The following CHRM3 variants were observed in gnomAD, a reference collection of about 807,000 sequenced individuals.
The protein encoded by CHRM3 is cholinergic receptor muscarinic 3, also known as muscarinic acetylcholine receptor M3.
CHRM3 carries 11 observed loss-of-function variants against 41.8 expected under a neutral mutation model. The ratio of observed to expected loss-of-function variants is 0.26; its 90% CI spans 0.17 to 0.44. CHRM3 has a LOEUF of 0.44. Ranked by LOEUF, CHRM3 falls within the 20% of genes least tolerant of loss-of-function variation. CHRM3 has a pLI of 1.00. For synonymous variants in CHRM3, 297 were observed against 301.4 expected (o/e 0.99, Z 0.15); for missense variants, 571 against 745.4 (o/e 0.77, Z 2.72).
At chr1:239,616,217 A>ATATATTT (rs1667616137) in intron 3 of CHRM3, among the ~76,000 whole-genome samples, 1 of 152,226 alleles carries the variant, frequency 6.6e-6, no homozygotes, top group Admixed American at 6.5e-5. Context: ...CGTGTGGTTA[A>ATATATTT]ACCTAAATTT....
At chr1:239,454,352 C>G (rs1664770598) in intron 1 of CHRM3, among the ~76,000 whole-genome samples, 1 of 152,250 alleles carries the variant, frequency 6.6e-6, no homozygotes, top group East Asian at 1.9e-4. Flanking sequence ...AACAGATGAA[C>G]AGCCAGATGA....
chr1:239,430,030 C>A, intron 1 of CHRM3, among the ~76,000 whole-genome samples: 1 of 146,766 alleles, frequency 6.8e-6, no homozygotes, highest in African/African-American at 2.5e-5. Flanking sequence ...TGCAGTGGCA[C>A]AATCTCAGCT....
At chr1:239,788,938 T>G (rs1367262573) in intron 5 of CHRM3, among the ~76,000 whole-genome samples, 1 of 152,230 alleles carries the variant, frequency 6.6e-6, no homozygotes, top group East Asian at 1.9e-4. Context: ...TTCTAACTAT[T>G]ATATAACTTA....
rs1678575275 is a variant in CHRM3, at chr1:239,891,802, T to C, written c.-19-15631T>C. On this transcript the variant is annotated intron_variant, in intron 6 of 6. Coordinates refer to ENST00000676153, the MANE Select transcript of CHRM3 (RefSeq NM_001375978.1). ...CAGAGCCACTCCATGGCAGATGGTCTCTTATCAGGCAAAGAAGGAGGGGTA... is the reference window on the plus strand; with the variant it reads ...CAGAGCCACTCCATGGCAGATGGTCCCTTATCAGGCAAAGAAGGAGGGGTA... 3.3e-5 allele frequency among the ~76,000 whole-genome samples: 5 copies of C among 152,254 alleles called. No homozygotes were observed. The South Asian group carries it at 1.0e-3, about 32-fold the overall frequency.
chr1:239,649,238 A>G (rs10925941), intron 4 of CHRM3, among the ~76,000 whole-genome samples: 93,427 of 151,748 alleles, frequency 0.62, 29,159 homozygotes, highest in East Asian at 0.83. Flanking sequence ...AAGAGAGCTT[A>G]TTTGCCCGTT....
intron 5 of CHRM3, among the ~76,000 whole-genome samples, chr1:239,729,843 C>T (rs1327804870): frequency 6.6e-6 from 1 of 151,876 alleles, no homozygotes; most frequent in Non-Finnish European, 1.5e-5. Context: ...TAGATTCCAC[C>T]TTGCATCACA....
intron 5 of CHRM3, among the ~76,000 whole-genome samples, chr1:239,762,385 A>G (rs990966693): frequency 6.6e-6 from 1 of 152,282 alleles, no homozygotes; most frequent in East Asian, 1.9e-4. Flanking sequence ...TTCTTGAGAG[A>G]AGATTTTATG....
intron 4 of CHRM3, among the ~76,000 whole-genome samples, chr1:239,662,972 T>TTTCTC (rs1673413332): frequency 1.9e-5 from 2 of 105,930 alleles, no homozygotes; most frequent in Non-Finnish European, 4.1e-5. Flanking sequence ...TTCCTTCTCC[T>TTTCTC]CTCTTCCTTC....
At chr1:239,439,405 AT>A (rs1258080658) in intron 1 of CHRM3, among the ~76,000 whole-genome samples, 1 of 152,170 alleles carries the variant, frequency 6.6e-6, no homozygotes, top group Non-Finnish European at 1.5e-5. Context: ...TAATATTGGA[AT>A]TCGTGATATT....
chr1:239,421,550 CTA>C lies in CHRM3; in HGVS notation c.-521+34327_-521+34328del, dbSNP rs573533623. 4.3e-3 allele frequency among the ~76,000 whole-genome samples: 659 copies of C among 152,228 alleles called. 2 individuals carry two copies. Among genetic ancestry groups the C allele is most frequent in the Non-Finnish European group, 5.1e-3 (350 of 67,992 alleles). ...CTGCACCTGATGTTTGTTTTTAAAA[CTA>C]TATTTATGTGCTGATTTATATATGT... On this transcript the variant is annotated intron_variant, in intron 1 of 6. Coordinates refer to ENST00000676153, the MANE Select transcript of CHRM3 (RefSeq NM_001375978.1).
intron 1 of CHRM3, among the ~76,000 whole-genome samples, chr1:239,419,785 G>A (rs553502662): frequency 1.8e-4 from 28 of 152,252 alleles, no homozygotes; most frequent in African/African-American, 6.7e-4. Context: ...CCTTTTCCCT[G>A]TACATTTCAC....
intron 5 of CHRM3, among the ~76,000 whole-genome samples, chr1:239,716,694 AAAAAG>A (rs1486050914): frequency 6.6e-6 from 1 of 152,098 alleles, no homozygotes; most frequent in Non-Finnish European, 1.5e-5. Context: ...ATAGAATTAA[AAAAAG>A]AAGAGGAAGA....
chr1:239,766,296 TG>T (rs1270739298), intron 5 of CHRM3, among the ~76,000 whole-genome samples: 1 of 152,150 alleles, frequency 6.6e-6, no homozygotes, highest in Admixed American at 6.5e-5. Context: ...AAGCAGTCCA[TG>T]CATCACAGTG....
intron 1 of CHRM3, 77 bp from the exon 2 acceptor site, chr1:239,492,616 CACTCAGCTGAGGACGA>C (rs1667627188): frequency 6.6e-6 from 1 of 152,186 alleles, no homozygotes; most frequent in Non-Finnish European, 1.5e-5. Context: ...TCTTCCCACA[CACTCAGCTGAGGACGA>C]ACTCAGCTGA....
chr1:239,793,004 G>A (rs1175105507), intron 5 of CHRM3, among the ~76,000 whole-genome samples: 1 of 152,182 alleles, frequency 6.6e-6, no homozygotes, highest in African/African-American at 2.4e-5. Context: ...GATGCTAGAT[G>A]GAGAGTTTGA....
intron 4 of CHRM3, among the ~76,000 whole-genome samples, chr1:239,645,233 GC>G (rs1671641714): frequency 6.6e-6 from 1 of 152,196 alleles, no homozygotes. Context: ...GAGGACTAGG[GC>G]CCCTGCCCAA....
intron 1 of CHRM3, among the ~76,000 whole-genome samples, chr1:239,474,533 A>G (rs1666339485): frequency 6.6e-6 from 1 of 152,148 alleles, no homozygotes; most frequent in Non-Finnish European, 1.5e-5. Flanking sequence ...CCATGCCACC[A>G]GCATGTGGAA....
intron 3 of CHRM3, among the ~76,000 whole-genome samples, chr1:239,571,854 C>A (rs1009866680): frequency 4.6e-5 from 7 of 152,126 alleles, no homozygotes; most frequent in Admixed American, 2.6e-4. Flanking sequence ...TGGGCATTTT[C>A]TTTTCTTTTT....
At chr1:239,602,140 A>ACATATATATATAT (rs1432471091) in intron 3 of CHRM3, among the ~76,000 whole-genome samples, 1 of 144,836 alleles carries the variant, frequency 6.9e-6, no homozygotes, top group African/African-American at 2.6e-5. Context: ...ATATATATAT[A>ACATATATATATAT]ATTTTGTTTT....
Sources: gnomAD v4.1 joint callset for allele counts (sites outside exome capture counted in the v4.1 genomes callset) on GRCh38, gnomAD v4.1.1 for gene constraint, MANE v1.5 for transcripts, NCBI Gene and HGNC (gene_info 2026-07-23, HGNC 2026-07-21) for gene names.